RASAL2: variants seen among roughly 807,000 people sequenced by gnomAD.
The protein encoded by RASAL2 is ras GTPase-activating protein nGAP.
Under a neutral mutation model 128.9 loss-of-function variants are expected in RASAL2, and 58 were observed. The observed-to-expected ratio is 0.45, with a 90% CI of 0.36 to 0.56. The LOEUF (loss-of-function observed/expected upper bound fraction) is 0.56. Ranked by LOEUF, RASAL2 falls within the 20% of genes least tolerant of loss-of-function variation. RASAL2 has a pLI of 0.00. For synonymous variants in RASAL2, 561 were observed against 580.8 expected, an observed-to-expected ratio of 0.97 and a Z score of 0.49; for missense variants, 1,360 against 1,601.6, an observed-to-expected ratio of 0.85 and a Z score of 2.57.
intron 1 of RASAL2, among the ~76,000 whole-genome samples, chr1:178,196,873 A>G (rs1181822925): frequency 2.6e-5 from 4 of 152,218 alleles, no homozygotes; most frequent in African/African-American, 9.7e-5. Context: ...AACCACAAAG[A>G]AATACTCTTA....
intron 1 of RASAL2, among the ~76,000 whole-genome samples, chr1:178,219,547 G>T (rs1479197083): frequency 6.6e-6 from 1 of 151,638 alleles, no homozygotes; most frequent in African/African-American, 2.4e-5. Flanking sequence ...AGGCTGCGGT[G>T]GGAGCATCGT....
intron 3 of RASAL2, among the ~76,000 whole-genome samples, chr1:178,385,766 C>T (rs992837741): frequency 6.6e-6 from 1 of 152,066 alleles, no homozygotes; most frequent in African/African-American, 2.4e-5. Flanking sequence ...TATTTGTTCC[C>T]ACTCACTGGC....
intron 4 of RASAL2, among the ~76,000 whole-genome samples, chr1:178,404,209 G>A (rs1317720494): frequency 1.4e-5 from 2 of 145,086 alleles, no homozygotes; most frequent in East Asian, 2.0e-4. Flanking sequence ...TGAGGCTACA[G>A]TGCGAGACCC....
intron 1 of RASAL2, among the ~76,000 whole-genome samples, chr1:178,232,013 T>C (rs898505574): frequency 2.0e-5 from 3 of 152,206 alleles, no homozygotes; most frequent in Non-Finnish European, 4.4e-5. Context: ...ATTTCGACCA[T>C]AATAAGAAAA....
intron 1 of RASAL2, among the ~76,000 whole-genome samples, chr1:178,248,404 G>A (rs1295588887): frequency 4.7e-5 from 7 of 150,502 alleles, no homozygotes; most frequent in Non-Finnish European, 6.0e-5. Context: ...TGCTTTTTTT[G>A]CTTTCCATTC....
At chr1:178,259,644 C>G (rs1307174042) in intron 1 of RASAL2, among the ~76,000 whole-genome samples, 1 of 152,164 alleles carries the variant, frequency 6.6e-6, no homozygotes, top group Non-Finnish European at 1.5e-5. Context: ...GGTGTGAACA[C>G]AGCTCACTGT....
chr1:178,332,704 C>G (rs567507180), intron 3 of RASAL2, among the ~76,000 whole-genome samples: 2 of 150,280 alleles, frequency 1.3e-5, no homozygotes, highest in African/African-American at 2.4e-5. Flanking sequence ...CTCCACCTCC[C>G]GGGTTCACGC....
At chr1:178,110,489 TGTATATATA>T (rs1659256900) in intron 1 of RASAL2, among the ~76,000 whole-genome samples, 1 of 148,166 alleles carries the variant, frequency 6.7e-6, no homozygotes, top group Non-Finnish European at 1.5e-5. Flanking sequence ...ATTTATACAG[TGTATATATA>T]GTATATATAG....
intron 9 of RASAL2, among the ~76,000 whole-genome samples, chr1:178,448,320 A>G (rs2102871264): frequency 6.6e-6 from 1 of 152,340 alleles, no homozygotes; most frequent in South Asian, 2.1e-4. Context: ...TGGCACCTTA[A>G]ATATCACTAG....
intron 1 of RASAL2, among the ~76,000 whole-genome samples, chr1:178,220,208 C>T (rs942439923): frequency 6.6e-6 from 1 of 152,086 alleles, no homozygotes; most frequent in Non-Finnish European, 1.5e-5. Flanking sequence ...AAATAAATTA[C>T]TCAACCTGAG....
intron 4 of RASAL2, among the ~76,000 whole-genome samples, chr1:178,405,779 G>A (rs1012845845): frequency 3.3e-5 from 5 of 152,184 alleles, no homozygotes; most frequent in African/African-American, 4.8e-5. Context: ...TTGTTATAAT[G>A]GCAGTTGAAA....
intron 4 of RASAL2, among the ~76,000 whole-genome samples, chr1:178,414,146 C>T (rs1482162787): frequency 6.6e-6 from 1 of 152,100 alleles, no homozygotes; most frequent in African/African-American, 2.4e-5. Flanking sequence ...TCAAAAATAT[C>T]CTAAATTGAA....
intron 1 of RASAL2, among the ~76,000 whole-genome samples, chr1:178,203,939 A>G (rs1662957849): frequency 6.6e-6 from 1 of 152,214 alleles, no homozygotes; most frequent in Non-Finnish European, 1.5e-5. Flanking sequence ...TCAGGAATGA[A>G]GGTTTGGGTC....
chr1:178,280,433 G>T (rs1161847248), intron 1 of RASAL2, among the ~76,000 whole-genome samples: 1 of 151,614 alleles, frequency 6.6e-6, no homozygotes, highest in Non-Finnish European at 1.5e-5. Context: ...ATTGTTAAAT[G>T]AATTCATATT....
rs1370927329 is a variant in RASAL2 at position 178,260,329 on chromosome 1, G to A, written c.203-23235G>A. On this transcript the variant is annotated intron_variant, in intron 1 of 17. Coordinates refer to ENST00000367649, the MANE Select transcript of RASAL2 (RefSeq NM_170692.4). ...ATCACGCCACTGCACTCCAGCCTGG[G>A]CGACAGAGCGAGACTCGTCTCAAAA... 1.2e-4 allele frequency among the ~76,000 whole-genome samples: 13 copies of A among 104,354 alleles called. No homozygotes were observed. The Admixed American group carries it at 1.2e-3, about 10-fold the overall frequency. The allele number at this position is 104,354 out of a possible 152,430, so 68.5% of individuals were successfully genotyped here.
At chr1:178,341,410 C>T (rs932644904) in intron 3 of RASAL2, 87 of 1,407,968 alleles carry the variant, frequency 6.2e-5, no homozygotes, top group Non-Finnish European at 7.5e-5. Flanking sequence ...GGGGTTGGGG[C>T]GAGGATTGAG....
At chr1:178,359,195 G>T (rs1318722490) in intron 3 of RASAL2, among the ~76,000 whole-genome samples, 1 of 151,904 alleles carries the variant, frequency 6.6e-6, no homozygotes, top group Non-Finnish European at 1.5e-5. Context: ...TTTGTTTTTG[G>T]CTGGGAGTAC....
chr1:178,368,090 A>G (rs1008144101), intron 3 of RASAL2, among the ~76,000 whole-genome samples: 2 of 152,172 alleles, frequency 1.3e-5, no homozygotes, highest in East Asian at 1.9e-4. Context: ...AAAACTTAAA[A>G]TATTTACTAT....
Position 178,473,243 on chromosome 1 carries a change from G to T in RASAL2, c.*4G>T, listed in dbSNP as rs370012275. 3.2e-5 allele frequency: 51 copies of T among 1,613,994 alleles called. No individual in the cohort carries two copies. The highest frequency in any genetic ancestry group is 1.1e-5 in the Non-Finnish European group (13 of 1,180,030). The stretch of plus-strand genomic sequence containing the variant: ...ATTCAAAAACAGCAGCTGCTGACGG[G>T]CTTTGTCTGTGGAAGGAGACAGAAG... On this transcript the variant is annotated 3_prime_UTR_variant, in exon 18 of 18. Transcript: ENST00000367649.
Sources: gnomAD v4.1 joint callset for allele counts (sites outside exome capture counted in the v4.1 genomes callset) on GRCh38, gnomAD v4.1.1 for gene constraint, MANE v1.5 for transcripts, NCBI Gene and HGNC (gene_info 2026-07-23, HGNC 2026-07-21) for gene names.